Variants in BICD1 observed in about 807,000 individuals in gnomAD.
The protein encoded by BICD1 is BICD cargo adaptor 1, also known as protein bicaudal D homolog 1.
BICD1 carries 35 observed loss-of-function variants against 92.5 expected under a neutral mutation model. The ratio of observed to expected loss-of-function variants is 0.38; its 90% CI spans 0.29 to 0.50. BICD1 has a LOEUF of 0.50. Among genes scored for constraint, BICD1 ranks in the 20% least tolerant of loss-of-function variants. The probability of loss-of-function intolerance (pLI) is 0.93; values close to 1 mark genes in which losing one functional copy is unlikely to be tolerated. For missense variants in BICD1, 950 were observed against 1,189.8 expected, an observed-to-expected ratio of 0.80 and a Z score of 2.97; for synonymous variants, 429 against 465.1, an observed-to-expected ratio of 0.92 and a Z score of 1.00.
At chr12:32,334,753 T>C (rs1233617613) in intron 6 of BICD1, 86 bp downstream of exon 6, 4 of 1,445,394 alleles carry the variant, frequency 2.8e-6, no homozygotes, top group Non-Finnish European at 3.7e-6. Context: ...GCATGTTGAG[T>C]GTATTCGGTG....
intron 1 of BICD1, 86 bp from the exon 2 acceptor site, chr12:32,216,161 A>G (rs1454674367): frequency 7.2e-7 from 1 of 1,387,772 alleles, no homozygotes; most frequent in Admixed American, 2.0e-5. Context: ...TACACATATA[A>G]GCAGAAGAAA....
chr12:32,222,194 T>C (rs866742344), intron 2 of BICD1, among the ~76,000 whole-genome samples: 2 of 152,224 alleles, frequency 1.3e-5, no homozygotes, highest in African/African-American at 4.8e-5. Context: ...AATTGGTATA[T>C]ATGGGATAAA....
intron 1 of BICD1, among the ~76,000 whole-genome samples, chr12:32,135,731 G>A (rs534320343): frequency 7.2e-5 from 11 of 152,204 alleles, no homozygotes; most frequent in Non-Finnish European, 1.5e-4. Context: ...ATTCACCAGA[G>A]TCCCCACCAT....
At chr12:32,244,353 A>G (rs1048179427) in intron 2 of BICD1, among the ~76,000 whole-genome samples, 2 of 152,036 alleles carry the variant, frequency 1.3e-5, no homozygotes, top group Non-Finnish European at 2.9e-5. Flanking sequence ...CCTACATCCA[A>G]TCAAATCATC....
At chr12:32,213,568 G>A (rs979145947) in intron 1 of BICD1, among the ~76,000 whole-genome samples, 1 of 152,114 alleles carries the variant, frequency 6.6e-6, no homozygotes, top group Non-Finnish European at 1.5e-5. Flanking sequence ...GCTAATTTTT[G>A]TATTTTTAGT....
chr12:32,118,667 C>A (rs1409262060), intron 1 of BICD1, among the ~76,000 whole-genome samples: 2 of 152,160 alleles, frequency 1.3e-5, no homozygotes, highest in Non-Finnish European at 2.9e-5. Context: ...TATTTTATCT[C>A]AGAGACTTGA....
chr12:32,339,200 A>C, intron 8 of BICD1: 1 of 1,277,122 alleles, frequency 7.8e-7, no homozygotes. Flanking sequence ...CAAAGATGGC[A>C]AATGAGAGTT....
chr12:32,246,320 AAAAAAAAG>A (rs1946386976), intron 2 of BICD1, among the ~76,000 whole-genome samples: 1 of 149,902 alleles, frequency 6.7e-6, no homozygotes, highest in South Asian at 2.1e-4. Flanking sequence ...GAAAAAAAAA[AAAAAAAAG>A]GTTGATTAAA....
intron 5 of BICD1, among the ~76,000 whole-genome samples, chr12:32,332,171 T>C (rs1040543857): frequency 3.3e-5 from 5 of 152,072 alleles, no homozygotes; most frequent in Non-Finnish European, 7.3e-5. Flanking sequence ...AGCTAAATGA[T>C]GAGAGCAAAT....
rs200047588 is a variant in BICD1, at chr12:32,191,671, TAA to T, written c.214-24575_214-24574del. 5.9e-3 allele frequency among the ~76,000 whole-genome samples: 866 copies of T among 147,946 alleles called. 9 individuals are homozygous for T. Among genetic ancestry groups the T allele is most frequent in the African/African-American group, 0.02 (825 of 40,752 alleles). On this transcript the variant is annotated intron_variant, in intron 1 of 9. Coordinates refer to ENST00000652176, the MANE Select transcript of BICD1 (RefSeq NM_001714.4). ...TGTTATATGCAATATATGTTATATA[TAA>T]TATATATTATATATAATACATATAT...
chr12:32,383,455 G>A lies in BICD1; in HGVS notation c.*5828G>A, dbSNP rs1940255242. On this transcript the variant is annotated 3_prime_UTR_variant, in exon 10 of 10. Coordinates refer to ENST00000652176, the MANE Select transcript of BICD1 (RefSeq NM_001714.4). ...TGTCTCATGGGAGAACACATGATAT[G>A]TGCTTGTATTTGTGTAATCTGATCA... 1.3e-5 allele frequency: 2 copies of A among 152,104 alleles called. No homozygotes were observed. The highest frequency in any genetic ancestry group is 6.5e-5 in the Admixed American group (1 of 15,272). The allele number at this position is 152,104 out of a possible 1,614,324, so 9.4% of individuals were successfully genotyped here.
At chr12:32,222,755 A>T (rs1353294136) in intron 2 of BICD1, among the ~76,000 whole-genome samples, 1 of 152,138 alleles carries the variant, frequency 6.6e-6, no homozygotes, top group Non-Finnish European at 1.5e-5. Flanking sequence ...AGTTTATATG[A>T]GGGCTGGAGG....
chr12:32,251,351 A>G (rs1169975149), intron 2 of BICD1, among the ~76,000 whole-genome samples: 2 of 152,210 alleles, frequency 1.3e-5, no homozygotes, highest in Non-Finnish European at 2.9e-5. Flanking sequence ...TTGCTGTAAC[A>G]AATTACCACA....
chr12:32,334,212 G>A (rs58556613), intron 5 of BICD1, among the ~76,000 whole-genome samples: 3,625 of 152,036 alleles, frequency 0.024, 137 homozygotes, highest in African/African-American at 0.081. Context: ...TCCTAAAATC[G>A]CATACTTTCA....
chr12:32,314,953 C>T (rs1565664191), intron 4 of BICD1, among the ~76,000 whole-genome samples: 1 of 152,042 alleles, frequency 6.6e-6, no homozygotes, highest in Non-Finnish European at 1.5e-5. Flanking sequence ...GCTAAAAAAA[C>T]TTTTTAATCT....
intron 2 of BICD1, among the ~76,000 whole-genome samples, chr12:32,235,843 G>A (rs1324237553): frequency 6.6e-6 from 1 of 151,282 alleles, no homozygotes; most frequent in Non-Finnish European, 1.5e-5. Context: ...TGGGACTATA[G>A]GTGCATGCCA....
chr12:32,173,587 T>C (rs185867275), intron 1 of BICD1, among the ~76,000 whole-genome samples: 2 of 152,334 alleles, frequency 1.3e-5, no homozygotes, highest in East Asian at 3.9e-4. Flanking sequence ...GCTAGAGTCA[T>C]GTTCACCTAG....
chr12:32,303,244 CAT>C (rs1394135966), intron 3 of BICD1, among the ~76,000 whole-genome samples: 15 of 151,972 alleles, frequency 9.9e-5, no homozygotes, highest in Non-Finnish European at 2.2e-4. Context: ...GCCCAGTCCT[CAT>C]AATGCATTTC....
At chr12:32,191,699 A>G (rs561777972) in intron 1 of BICD1, among the ~76,000 whole-genome samples, 1 of 143,270 alleles carries the variant, frequency 7.0e-6, no homozygotes, top group South Asian at 2.2e-4. Flanking sequence ...ATACATATAT[A>G]TTATGATATT....
Sources: gnomAD v4.1 joint callset for allele counts (sites outside exome capture counted in the v4.1 genomes callset) on GRCh38, gnomAD v4.1.1 for gene constraint, MANE v1.5 for transcripts, NCBI Gene and HGNC (gene_info 2026-07-23, HGNC 2026-07-21) for gene names.